MMS22L: variants seen among roughly 807,000 people sequenced by gnomAD.
The protein encoded by MMS22L is MMS22 like, DNA repair protein.
MMS22L carries 74 observed loss-of-function variants against 159.1 expected under a neutral mutation model. That is an observed-to-expected ratio of 0.47 (90% CI 0.39 to 0.56). The LOEUF (loss-of-function observed/expected upper bound fraction) is 0.56, where lower values mean the gene tolerates loss of function less well. Ranked by LOEUF, MMS22L falls within the 20% of genes least tolerant of loss-of-function variation. The pLI is 0.00. For missense variants in MMS22L, 1,351 were observed against 1,422.1 expected (o/e 0.95, Z 0.80); for synonymous variants, 517 against 506.9 (o/e 1.02, Z -0.27).
chr6:97,144,205 G>A lies in MMS22L; in HGVS notation c.*2601C>T, dbSNP rs1317343618. On this transcript the variant is annotated 3_prime_UTR_variant, in exon 25 of 25. Coordinates refer to ENST00000683635, the MANE Select transcript of MMS22L (RefSeq NM_001350599.2). ...AAGCAGATGAAGGGTCGTATCTTAC[G>A]ACTGGGGACAGGAAAGAAGACCATG... is the stretch of plus-strand genomic sequence containing the variant. 1.3e-5 allele frequency: 2 copies of A among 151,062 alleles called. No homozygotes were observed. The highest frequency in any genetic ancestry group is 6.6e-5 in the Admixed American group (1 of 15,188). The allele number at this position is 151,062 out of a possible 1,614,324, so 9.4% of individuals were successfully genotyped here.
At chr6:97,283,389 TAA>T (rs71012594), upstream of MMS22L, 3 of 138,766 alleles carry the variant, frequency 2.2e-5, no homozygotes, top group African/African-American at 2.7e-5. Flanking sequence ...CGGGGCCTGG[TAA>T]AAAAAAAAAA....
intron 9 of MMS22L, chr6:97,261,547 T>C (rs1470543722): frequency 6.6e-6 from 1 of 152,208 alleles, no homozygotes; most frequent in South Asian, 2.1e-4. Flanking sequence ...ACAAAATACA[T>C]GTTAATTGTT....
At chr6:97,263,662 TAAAAA>T (rs1010764622) in intron 8 of MMS22L, 2 of 362,852 alleles carry the variant, frequency 5.5e-6, no homozygotes, top group Non-Finnish European at 9.7e-6. Context: ...GATTTCAACT[TAAAAA>T]AAAATTTTAA....
At chr6:97,251,634 T>C (rs906057920) in intron 10 of MMS22L, among the ~76,000 whole-genome samples, 10 of 152,216 alleles carry the variant, frequency 6.6e-5, no homozygotes, top group Non-Finnish European at 1.3e-4. Flanking sequence ...CTACATAAAA[T>C]ATGTGATTTT....
chr6:97,278,177 G>T (rs1473539736), intron 4 of MMS22L, among the ~76,000 whole-genome samples: 2 of 152,114 alleles, frequency 1.3e-5, no homozygotes, highest in South Asian at 2.1e-4. Context: ...GCCAAGGCAG[G>T]GGATCACTTG....
At chr6:97,260,948 T>C (rs1166688074) in intron 9 of MMS22L, 2 of 152,156 alleles carry the variant, frequency 1.3e-5, no homozygotes, top group Non-Finnish European at 2.9e-5. Flanking sequence ...TGCTTTCTCT[T>C]CTGGTGCCCT....
At chr6:97,173,735 C>A (rs1253477136) in intron 18 of MMS22L, among the ~76,000 whole-genome samples, 1 of 151,530 alleles carries the variant, frequency 6.6e-6, no homozygotes, top group African/African-American at 2.4e-5. Flanking sequence ...CTGATGCCAG[C>A]TTAACTTCTT....
chr6:97,162,117 T>A lies in MMS22L; in HGVS notation c.3270A>T (p.Ala1090=). Residue 1090 remains alanine, a synonymous_variant, in exon 22 of 25, where the codon GCA becomes GCT. Transcript: ENST00000683635. ...GTTGGAGGATGAAGGCCAGAATGGA[T>A]GCTAAGCGAGGAGGAGGTGAGGACC... The part of the protein sequence containing the change: ...YKGSSPPPRL[A]SILAFILQLF... 3 of 1,611,330 alleles carry A rather than the reference T, an allele frequency of 1.9e-6. No homozygotes were observed. Among genetic ancestry groups the A allele is most frequent in the Non-Finnish European group, 2.5e-6 (3 of 1,178,810 alleles).
At chr6:97,191,594 T>A (rs1213702549) in intron 14 of MMS22L, among the ~76,000 whole-genome samples, 1 of 152,202 alleles carries the variant, frequency 6.6e-6, no homozygotes, top group Non-Finnish European at 1.5e-5. Context: ...AAAATCTTTA[T>A]TAGTGAAAAA....
chr6:97,147,107 T>C (rs1800960921), intron 24 of MMS22L, among the ~76,000 whole-genome samples: 2 of 152,116 alleles, frequency 1.3e-5, no homozygotes, highest in South Asian at 4.1e-4. Context: ...ATATATAAAA[T>C]GTGTGCTAAA....
At chr6:97,186,761 G>A in intron 14 of MMS22L, 71 bp from the exon 15 acceptor site, 1 of 1,175,198 alleles carries the variant, frequency 8.5e-7, no homozygotes, top group South Asian at 2.2e-5. Context: ...AGTACATTTT[G>A]AGCTTTTTCC....
At chr6:97,188,471 T>C (rs183630546) in intron 14 of MMS22L, among the ~76,000 whole-genome samples, 2 of 152,318 alleles carry the variant, frequency 1.3e-5, no homozygotes, top group Admixed American at 1.3e-4. Flanking sequence ...GAGATAGGTA[T>C]CATTAATCCT....
At chr6:97,246,494 T>C (rs1812655307) in intron 11 of MMS22L, 134 bp downstream of exon 11, 2 of 635,962 alleles carry the variant, frequency 3.1e-6, no homozygotes, top group Admixed American at 3.3e-5. Flanking sequence ...AAGAAACTAC[T>C]GTGAGTTAAC....
chr6:97,177,954 A>T (rs1804287266), intron 18 of MMS22L, among the ~76,000 whole-genome samples: 1 of 152,176 alleles, frequency 6.6e-6, no homozygotes, highest in African/African-American at 2.4e-5. Flanking sequence ...AAAATTTTGA[A>T]TGGTACTGTT....
chr6:97,279,798 AAAG>A lies in MMS22L; in HGVS notation c.291-903_291-901del, dbSNP rs1163815692. Among the ~76,000 whole-genome samples the A allele has an allele frequency of 2.4e-3, 371 of 152,198 alleles. 3 individuals carry two copies. The highest frequency in any genetic ancestry group is 8.6e-3 in the African/African-American group (356 of 41,518). On this transcript the variant is annotated intron_variant, in intron 3 of 24. Coordinates refer to ENST00000683635, the MANE Select transcript of MMS22L (RefSeq NM_001350599.2). ...GAGACACCCTCTCAAAAAAAAAAAA[AAAG>A]AAGTTTAAGATACATAAAACATTCT...
Position 97,268,334 on chromosome 6 carries a change from G to A in MMS22L, c.698-332C>T, listed in dbSNP as rs375667189. On this transcript the variant is annotated intron_variant, in intron 7 of 24. Coordinates refer to ENST00000683635, the MANE Select transcript of MMS22L (RefSeq NM_001350599.2). ...CAAGTAGCTGGGACTATAGGCACCC[G>A]CCACCTCACCTGGCTAATTCTGTTT... Among the ~76,000 whole-genome samples, 91 of 151,836 alleles carry A rather than the reference G, an allele frequency of 6.0e-4. 2 individuals are homozygous for A. The South Asian group carries it at 0.018, about 30-fold the overall frequency.
At chr6:97,256,288 C>T (rs1011481817) in intron 9 of MMS22L, among the ~76,000 whole-genome samples, 3 of 152,090 alleles carry the variant, frequency 2.0e-5, no homozygotes, top group African/African-American at 7.2e-5. Flanking sequence ...AAACAAGAAC[C>T]TTAAAAGAGT....
intron 8 of MMS22L, 50 bp downstream of exon 8, chr6:97,267,822 G>A: frequency 6.7e-7 from 1 of 1,486,398 alleles, no homozygotes; most frequent in Non-Finnish European, 9.0e-7. Flanking sequence ...ATGCATTAAG[G>A]ACTGAATACT....
At chr6:97,152,637 T>C (rs1202608508) in intron 22 of MMS22L, among the ~76,000 whole-genome samples, 2 of 152,238 alleles carry the variant, frequency 1.3e-5, no homozygotes, top group East Asian at 3.9e-4. Context: ...GCACAAAATA[T>C]ATGATGAACA....
Sources: allele counts gnomAD v4.1 joint callset (sites outside exome capture counted in the v4.1 genomes callset), GRCh38; gene constraint gnomAD v4.1.1; transcripts MANE v1.5; gene names NCBI Gene and HGNC (gene_info 2026-07-23, HGNC 2026-07-21).